MTF2: variants seen among roughly 807,000 people sequenced by gnomAD.
MTF2 encodes the protein metal response element binding transcription factor 2, also known as metal-response element-binding transcription factor 2.
Under a neutral mutation model 79.5 loss-of-function variants are expected in MTF2, and 11 were observed. The observed-to-expected ratio is 0.14, with a 90% CI of 0.09 to 0.23. The LOEUF is 0.23. Among genes scored for constraint, MTF2 ranks in the 10% least tolerant of loss-of-function variants. The pLI is 1.00. For missense variants in MTF2, 486 were observed against 711.2 expected, an observed-to-expected ratio of 0.68 and a Z score of 3.60; for synonymous variants, 208 against 232.8, an observed-to-expected ratio of 0.89 and a Z score of 0.97.
intron 9 of MTF2, chr1:93,120,959 G>T: frequency 9.1e-7 from 1 of 1,098,344 alleles, no homozygotes; most frequent in Non-Finnish European, 1.1e-6. Flanking sequence ...AGAAGGGAGG[G>T]AGAAATCTTT....
At chr1:93,134,668 A>G (rs1647304931) in intron 14 of MTF2, among the ~76,000 whole-genome samples, 1 of 151,910 alleles carries the variant, frequency 6.6e-6, no homozygotes, top group Non-Finnish European at 1.5e-5. Context: ...GGGACTACAG[A>G]TTGTGCCACC....
chr1:93,132,790 T>C (rs899221316), intron 11 of MTF2, among the ~76,000 whole-genome samples: 1 of 152,032 alleles, frequency 6.6e-6, no homozygotes, highest in Non-Finnish European at 1.5e-5. Flanking sequence ...CTCTCCTTAA[T>C]TGAAGTCTCC....
intron 11 of MTF2, among the ~76,000 whole-genome samples, chr1:93,133,197 A>G (rs1031258743): frequency 2.0e-5 from 3 of 152,104 alleles, no homozygotes; most frequent in Non-Finnish European, 2.9e-5. Flanking sequence ...GTGTCATTCA[A>G]GAATCTACAT....
chr1:93,121,323 A>G (rs1000549751), intron 9 of MTF2: 1 of 854,630 alleles, frequency 1.2e-6, no homozygotes, highest in Non-Finnish European at 1.4e-6. Flanking sequence ...TAACTAGAAT[A>G]AGTTTAATAG....
intron 1 of MTF2, among the ~76,000 whole-genome samples, chr1:93,105,456 G>A (rs1344421274): frequency 6.6e-6 from 1 of 152,170 alleles, no homozygotes; most frequent in Non-Finnish European, 1.5e-5. Context: ...GCTCTGGTTT[G>A]TATCCTATAA....
At chr1:93,090,581 A>G (rs1316610171) in intron 1 of MTF2, among the ~76,000 whole-genome samples, 1 of 151,668 alleles carries the variant, frequency 6.6e-6, no homozygotes, top group Non-Finnish European at 1.5e-5. Flanking sequence ...TACACAGAAG[A>G]TTCAGGTTTA....
intron 1 of MTF2, among the ~76,000 whole-genome samples, chr1:93,094,940 T>C (rs1655220244): frequency 6.6e-6 from 1 of 152,230 alleles, no homozygotes; most frequent in African/African-American, 2.4e-5. Context: ...TTTCCCTTGA[T>C]TCAATTCCTT....
At chr1:93,103,547 A>T (rs1374255617) in intron 1 of MTF2, among the ~76,000 whole-genome samples, 1 of 152,036 alleles carries the variant, frequency 6.6e-6, no homozygotes, top group Non-Finnish European at 1.5e-5. Flanking sequence ...AATTATAAAT[A>T]TGTAGTACAA....
chr1:93,086,640 T>C (rs971006136), intron 1 of MTF2, among the ~76,000 whole-genome samples: 1 of 152,176 alleles, frequency 6.6e-6, no homozygotes, highest in Admixed American at 6.5e-5. Flanking sequence ...CAAAGACATA[T>C]TCCTGTGGGA....
At chr1:93,099,991 A>G (rs1005146309) in intron 1 of MTF2, among the ~76,000 whole-genome samples, 2 of 152,240 alleles carry the variant, frequency 1.3e-5, no homozygotes, top group East Asian at 1.9e-4. Flanking sequence ...AAATAGTTCA[A>G]TAAGATTTGT....
intron 3 of MTF2, among the ~76,000 whole-genome samples, chr1:93,111,489 C>G (rs1430593951): frequency 6.6e-6 from 1 of 152,030 alleles, no homozygotes; most frequent in Non-Finnish European, 1.5e-5. Context: ...TGGTAGGTTT[C>G]TGCCATGTTT....
chr1:93,121,329 A>G, intron 9 of MTF2: 1 of 842,688 alleles, frequency 1.2e-6, no homozygotes, highest in Non-Finnish European at 1.4e-6. Context: ...GAATAAGTTT[A>G]ATAGTTAGGG....
chr1:93,081,541 G>T (rs1654607795), intron 1 of MTF2, among the ~76,000 whole-genome samples: 2 of 152,098 alleles, frequency 1.3e-5, no homozygotes, highest in Admixed American at 6.5e-5. Flanking sequence ...GATCTTTGAT[G>T]GTTAATATTT....
At chr1:93,133,363 G>C (rs1047162691) in intron 11 of MTF2, among the ~76,000 whole-genome samples, 8 of 152,024 alleles carry the variant, frequency 5.3e-5, no homozygotes, top group Non-Finnish European at 1.2e-4. Flanking sequence ...ATATAATTGA[G>C]CTTTTAGGAG....
At chr1:93,081,604 C>T (rs527280015) in intron 1 of MTF2, among the ~76,000 whole-genome samples, 8 of 152,136 alleles carry the variant, frequency 5.3e-5, no homozygotes, top group Admixed American at 4.6e-4. Context: ...GCTGTGAAAT[C>T]CAGTATAACC....
chr1:93,083,838 C>G (rs1654716080), intron 1 of MTF2, among the ~76,000 whole-genome samples: 1 of 152,202 alleles, frequency 6.6e-6, no homozygotes, highest in African/African-American at 2.4e-5. Flanking sequence ...TATTGAGGAT[C>G]TTTCCACATA....
At chr1:93,103,850 C>T (rs1034075615) in intron 1 of MTF2, among the ~76,000 whole-genome samples, 11 of 152,282 alleles carry the variant, frequency 7.2e-5, no homozygotes, top group African/African-American at 2.4e-4. Context: ...TGAGTTGTGA[C>T]ATTATGGGTA....
At chr1:93,115,121 A>G in intron 5 of MTF2, 33 bp downstream of exon 5, 1 of 1,458,682 alleles carries the variant, frequency 6.9e-7, no homozygotes, top group Non-Finnish European at 9.6e-7. Flanking sequence ...TAAAGCTCTG[A>G]TGGAATTTGT....
At chr1:93,114,942 A>G (rs756575417) in intron 4 of MTF2, 46 bp from the exon 5 acceptor site, 27 of 1,396,284 alleles carry the variant, frequency 1.9e-5, no homozygotes, top group Non-Finnish European at 2.7e-5. Context: ...TTGTGTTGAA[A>G]GTATTAATGA....
Sources: allele counts gnomAD v4.1 joint callset (sites outside exome capture counted in the v4.1 genomes callset), GRCh38; gene constraint gnomAD v4.1.1; transcripts MANE v1.5; gene names NCBI Gene and HGNC (gene_info 2026-07-23, HGNC 2026-07-21).